COL22A1: variants seen among roughly 807,000 people sequenced by gnomAD.
The protein encoded by COL22A1 is collagen alpha-1(XXII) chain.
Under a neutral mutation model 248.9 loss-of-function variants are expected in COL22A1, and 221 were observed. The ratio of observed to expected loss-of-function variants is 0.89; its 90% CI spans 0.80 to 0.99. The LOEUF is 0.99. COL22A1 is among the 50% of genes least tolerant of loss of function. The probability of loss-of-function intolerance (pLI) is 0.00; values close to 1 mark genes in which losing one functional copy is unlikely to be tolerated. For synonymous variants in COL22A1, 891 were observed against 793.4 expected (o/e 1.12, Z -2.07); for missense variants, 2,240 against 2,179.0 (o/e 1.03, Z -0.56).
chr8:138,606,082 C>A lies in COL22A1; in HGVS notation c.4104+299G>T, dbSNP rs76080577. Among the ~76,000 whole-genome samples the A allele has an allele frequency of 6.2e-3, 941 of 152,266 alleles. 12 individuals are homozygous for A. The highest frequency in any genetic ancestry group is 0.022 in the African/African-American group (906 of 41,554). On this transcript the variant is annotated intron_variant, in intron 58 of 64. Coordinates refer to ENST00000303045, the MANE Select transcript of COL22A1 (RefSeq NM_152888.3). ...TTTATATGAATGATTTCATTTAATC[C>A]TCAGAAGTAGATGCTGTCGTTATCC...
intron 35 of COL22A1, among the ~76,000 whole-genome samples, chr8:138,691,935 T>C (rs1826997431): frequency 7.0e-6 from 1 of 142,432 alleles, no homozygotes; most frequent in Admixed American, 7.0e-5. Context: ...TGTGGAGGTG[T>C]GTGTACGTGT....
At chr8:138,866,930 C>A (rs1454702492) in intron 3 of COL22A1, among the ~76,000 whole-genome samples, 1 of 152,168 alleles carries the variant, frequency 6.6e-6, no homozygotes, top group African/African-American at 2.4e-5. Context: ...AGGAGCCACA[C>A]CACTCAGCAC....
At chr8:138,700,831 A>G (rs1298369467) in intron 31 of COL22A1, among the ~76,000 whole-genome samples, 1 of 152,044 alleles carries the variant, frequency 6.6e-6, no homozygotes, top group Non-Finnish European at 1.5e-5. Context: ...AAAAAATACA[A>G]AAAATTAGCT....
At position 138,877,928 on chromosome 8, in the gene COL22A1, G is replaced by A. The variant is rs1220903304; in HGVS notation, c.480C>T (p.Asp160=). Residue 160 remains aspartate, a synonymous_variant, in exon 3 of 65, where the codon GAC becomes GAT. Transcript: ENST00000303045. ...TDGRSQDLVL[D]AAAAAHRAGI... ...CAGCGCGGTGGGCTGCCGCCGCGGC[G>A]TCCAGCACCAGGTCCTGGCTGCGGC... is the stretch of plus-strand genomic sequence containing the variant. 5.0e-6 allele frequency: 8 copies of A among 1,605,886 alleles called. No individual in the cohort carries two copies. The highest frequency in any genetic ancestry group is 3.4e-6 in the Non-Finnish European group (4 of 1,176,230).
rs571423516 is a variant in COL22A1 at position 138,712,250 on chromosome 8, A to G, written c.2517+3432T>C. 2.6e-5 allele frequency among the ~76,000 whole-genome samples: 4 copies of G among 152,358 alleles called. No homozygotes were observed. The East Asian group carries it at 7.7e-4, about 29-fold the overall frequency. The stretch of plus-strand genomic sequence containing the variant: ...CAGGACCATACTCCAGGCCAGCATT[A>G]TGGGTCCAAGAATGGTGCTCTTTCT... On this transcript the variant is annotated intron_variant, in intron 30 of 64. Coordinates refer to ENST00000303045, the MANE Select transcript of COL22A1 (RefSeq NM_152888.3).
chr8:138,616,178 GC>G, intron 54 of COL22A1, 124 bp from the exon 55 acceptor site: 1 of 792,562 alleles, frequency 1.3e-6, no homozygotes, highest in Non-Finnish European at 2.1e-6. Context: ...ACTTCCATAC[GC>G]AGAGCCCCAG....
chr8:138,873,057 A>G (rs1439920503), intron 3 of COL22A1, among the ~76,000 whole-genome samples: 4 of 152,196 alleles, frequency 2.6e-5, no homozygotes, highest in African/African-American at 9.7e-5. Flanking sequence ...TTAGATATGC[A>G]GTAAGATTGC....
intron 1 of COL22A1, among the ~76,000 whole-genome samples, chr8:138,887,348 CA>C (rs1300337959): frequency 6.6e-6 from 1 of 151,974 alleles, no homozygotes; most frequent in Non-Finnish European, 1.5e-5. Flanking sequence ...CTCAGCCTCC[CA>C]AGTAGCTGGG....
chr8:138,856,500 C>G (rs1424247988), intron 3 of COL22A1, among the ~76,000 whole-genome samples: 1 of 146,226 alleles, frequency 6.8e-6, no homozygotes, highest in African/African-American at 2.5e-5. Context: ...GCGAGAGAGA[C>G]AGAGAGAGAG....
At chr8:138,732,836 A>T (rs941365006) in intron 23 of COL22A1, among the ~76,000 whole-genome samples, 1 of 152,262 alleles carries the variant, frequency 6.6e-6, no homozygotes, top group Non-Finnish European at 1.5e-5. Flanking sequence ...ATGACTAATT[A>T]ACCTAATTAT....
intron 5 of COL22A1, among the ~76,000 whole-genome samples, chr8:138,830,723 T>C (rs1394329503): frequency 6.6e-6 from 1 of 152,236 alleles, no homozygotes; most frequent in Non-Finnish European, 1.5e-5. Context: ...ACTAGATTTG[T>C]GTAACTTTTG....
chr8:138,688,773 A>G (rs1396855645), intron 37 of COL22A1, 144 bp downstream of exon 37: 1 of 675,128 alleles, frequency 1.5e-6, no homozygotes, highest in African/African-American at 1.8e-5. Flanking sequence ...ATGGGATGGC[A>G]CAGTCTTCCT....
intron 51 of COL22A1, among the ~76,000 whole-genome samples, chr8:138,625,148 G>A (rs535613340): frequency 3.9e-5 from 6 of 152,262 alleles, no homozygotes; most frequent in East Asian, 3.9e-4. Context: ...TAAGCACTCC[G>A]AAGAAAAGGA....
At chr8:138,615,780 T>C (rs562607211) in intron 55 of COL22A1, among the ~76,000 whole-genome samples, 1 of 152,236 alleles carries the variant, frequency 6.6e-6, no homozygotes, top group East Asian at 1.9e-4. Flanking sequence ...GGACAAATCA[T>C]GACTGATCCA....
intron 41 of COL22A1, among the ~76,000 whole-genome samples, chr8:138,671,606 T>A (rs1035532501): frequency 6.6e-6 from 1 of 152,256 alleles, no homozygotes; most frequent in African/African-American, 2.4e-5. Context: ...TCGTGTTTAT[T>A]GCAATACTGT....
Position 138,762,471 on chromosome 8 carries a change from C to T in COL22A1, c.1804-5G>A. ...TCCATCCAGGCCTCGCTCTCCCTGGCAAAAGAAGGCAAATGGTGAAATAAA... is the reference window on the plus strand; with the variant it reads ...TCCATCCAGGCCTCGCTCTCCCTGGTAAAAGAAGGCAAATGGTGAAATAAA... On this transcript the variant is annotated splice_polypyrimidine_tract_variant and splice_region_variant and intron_variant, in intron 16 of 64. Transcript: ENST00000303045. 4.3e-6 allele frequency: 7 copies of T among 1,613,996 alleles called. No individual in the cohort carries two copies. The highest frequency in any genetic ancestry group is 5.9e-6 in the Non-Finnish European group (7 of 1,179,916).
At chr8:138,853,110 G>A (rs1188062072) in intron 3 of COL22A1, among the ~76,000 whole-genome samples, 1 of 152,116 alleles carries the variant, frequency 6.6e-6, no homozygotes, top group Admixed American at 6.6e-5. Flanking sequence ...AGAAGGGAGA[G>A]GCTACAGTGA....
intron 2 of COL22A1, among the ~76,000 whole-genome samples, chr8:138,880,771 G>A (rs1028876655): frequency 2.6e-5 from 4 of 152,194 alleles, no homozygotes; most frequent in African/African-American, 9.7e-5. Flanking sequence ...TCATTCTTTT[G>A]TCTTTGGGAC....
Position 138,883,138 on chromosome 8 carries a change from A to G in COL22A1, c.35T>C (p.Leu12Pro). ...AGLRGNAVAG[L>P]LWMLLLWSGG... ...ACTCCACAGCAGCAGCATCCAGAGG[A>G]GGCCAGCCACAGCGTTCCCTCGGAG... The change falls in exon 2 of 65, where the codon CTC (leucine) becomes CCC (proline). Residue 12 changes from leucine to proline, a missense_variant. Leu to Pro is a moderately conservative substitution (Grantham distance 98). Coordinates refer to ENST00000303045, the MANE Select transcript of COL22A1 (RefSeq NM_152888.3). 1 of 1,597,942 alleles carries G rather than the reference A, an allele frequency of 6.3e-7. No homozygotes were observed. The highest frequency in any genetic ancestry group is 8.5e-7 in the Non-Finnish European group (1 of 1,173,146).
Sources: gnomAD v4.1 joint callset for allele counts (sites outside exome capture counted in the v4.1 genomes callset) on GRCh38, gnomAD v4.1.1 for gene constraint, MANE v1.5 for transcripts, NCBI Gene and HGNC (gene_info 2026-07-23, HGNC 2026-07-21) for gene names.